STUB1: variants seen among roughly 807,000 people sequenced by gnomAD.
STUB1 encodes STIP1 homology and U-box containing protein 1.
Under a neutral mutation model 40.3 loss-of-function variants are expected in STUB1, and 37 were observed. The ratio of observed to expected loss-of-function variants is 0.92; its 90% CI spans 0.71 to 1.21. STUB1 has a LOEUF of 1.21. Among genes scored for constraint, STUB1 ranks in the 50% most tolerant of loss-of-function variants. The pLI is 0.00. For synonymous variants in STUB1, 246 were observed against 171.9 expected, an observed-to-expected ratio of 1.43 and a Z score of -3.37; for missense variants, 460 against 421.9, an observed-to-expected ratio of 1.09 and a Z score of -0.79.
At chr16:681,699 A>C in intron 3 of STUB1, 94 bp from the exon 4 acceptor site, 1 of 1,554,614 alleles carries the variant, frequency 6.4e-7, no homozygotes, top group Non-Finnish European at 8.7e-7. Flanking sequence ...GGCAAGCAGG[A>C]AATGTGGGGA....
rs147885296 is a variant in STUB1, at chr16:682,090, G to A, written c.669+14G>A. 135 of 1,581,012 alleles carry A rather than the reference G, an allele frequency of 8.5e-5. 1 individual carries two copies. The African/African-American group carries it at 1.4e-3, about 16-fold the overall frequency. ...GAGAAGAGGAAGGTGAGTGTGTGTC[G>A]CTTGCTGCCGATGGCTGGCAGGTGC... On this transcript the variant is annotated intron_variant, in intron 5 of 6. Coordinates refer to ENST00000219548, the MANE Select transcript of STUB1 (RefSeq NM_005861.4).
Position 681,352 on chromosome 16 carries a change from T to C in STUB1, c.358+2T>C, listed in dbSNP as rs762574295. ...AGGCCATCGCCAATCTGCAGCGAGG[T>C]TGGCTGACAAGCTGCCCGGTTGTGG... is the stretch of plus-strand genomic sequence containing the variant. On this transcript the variant is annotated splice_donor_variant, in intron 2 of 6. Coordinates refer to ENST00000219548, the MANE Select transcript of STUB1 (RefSeq NM_005861.4). LOFTEE classifies it high-confidence loss of function. 3 of 1,612,578 alleles carry C rather than the reference T, an allele frequency of 1.9e-6. No homozygotes were observed. The highest frequency in any genetic ancestry group is 2.2e-5 in the East Asian group (1 of 44,864).
chr16:680,806 A>G lies in STUB1; in HGVS notation c.159+122A>G. On this transcript the variant is annotated intron_variant, in intron 1 of 6. Coordinates refer to ENST00000219548, the MANE Select transcript of STUB1 (RefSeq NM_005861.4). This position sits in a 1 kb window ranked among gnomAD's most constrained non-coding sequence, Gnocchi z 4.9. Reference sequence around the variant, plus strand: ...GGCGTGTCCTCGGCTCCCAAAGCCCAGCCGTGGTTCTCGAGCCCAGCGCCG... The same window carrying G: ...GGCGTGTCCTCGGCTCCCAAAGCCCGGCCGTGGTTCTCGAGCCCAGCGCCG... 1 of 951,344 alleles carries G rather than the reference A, an allele frequency of 1.1e-6. No individual in the cohort carries two copies. Among genetic ancestry groups the G allele is most frequent in the Non-Finnish European group, 1.3e-6 (1 of 756,940 alleles). 58.9% of individuals were successfully genotyped at this position (951,344 alleles called of 1,614,324 possible). A position where few individuals can be genotyped will look rare whatever the true frequency, so the allele number is the denominator to read the frequency against.
rs368914684 is a variant in STUB1, at chr16:682,547, C to T, written c.*58C>T. On this transcript the variant is annotated 3_prime_UTR_variant, in exon 7 of 7. Transcript: ENST00000219548. ...GGGAGCCCTGGGCAGAAGCCCCCGG[C>T]CCCTATACATAGTTTATGTTCCTGG... 2 of 1,606,640 alleles carry T rather than the reference C, an allele frequency of 1.2e-6. No individual in the cohort carries two copies. Among genetic ancestry groups the T allele is most frequent in the Non-Finnish European group, 1.7e-6 (2 of 1,176,418 alleles).
Position 680,479 on chromosome 16 carries a change from G to T in STUB1, c.-47G>T, listed in dbSNP as rs976188395. 1.7e-6 allele frequency: 2 copies of T among 1,184,292 alleles called. No homozygotes were observed. The highest frequency in any genetic ancestry group is 3.2e-5 in the African/African-American group (2 of 62,244). 73.4% of individuals were successfully genotyped at this position (1,184,292 alleles called of 1,614,324 possible). ...GCTCCGGCTGCGGGCGCTGGGCCGC[G>T]AGGCGCGGAGCTTGGGAGCGGAGCC... On this transcript the variant is annotated 5_prime_UTR_variant, in exon 1 of 7. Coordinates refer to ENST00000219548, the MANE Select transcript of STUB1 (RefSeq NM_005861.4). The surrounding 1 kb of genome is among the most constrained non-coding windows in gnomAD (Gnocchi z 4.9).
Position 681,459 on chromosome 16 carries a change from A to T in STUB1, c.380A>T (p.Gln127Leu), listed in dbSNP as rs764284031. The T allele has an allele frequency of 6.2e-7, 1 of 1,612,584 alleles. No individual in the cohort carries two copies. The highest frequency in any genetic ancestry group is 1.1e-5 in the South Asian group (1 of 91,078). ...LQRAYSLAKE[Q>L]RLNFGDDIPS... Reference sequence around the variant, plus strand: ...CCAGCTTACAGCCTGGCCAAGGAGCAGCGGCTGAACTTCGGGGACGACATC... The same window carrying T: ...CCAGCTTACAGCCTGGCCAAGGAGCTGCGGCTGAACTTCGGGGACGACATC... Residue 127 changes from glutamine (Q) to leucine (L), a missense_variant, in exon 3 of 7, where the codon CAG becomes CTG. Physicochemically the swap from Gln to Leu is moderately radical, Grantham distance 113. Transcript: ENST00000219548.
Position 680,665 on chromosome 16 carries a change from C to A in STUB1, c.140C>A (p.Ala47Asp). Residue 47 changes from alanine (A) to aspartate (D), a missense_variant, in exon 1 of 7, where the codon GCC (alanine) becomes GAC (aspartate). Ala to Asp is a moderately radical substitution (Grantham distance 126). Coordinates refer to ENST00000219548, the MANE Select transcript of STUB1 (RefSeq NM_005861.4). This position sits in a 1 kb window ranked among gnomAD's most constrained non-coding sequence, Gnocchi z 4.9. ...GGCCGAAAGTACCCGGAGGCGGCGG[C>A]CTGCTACGGCCGCGCGATCGTGAGT... ...FVGRKYPEAA[A>D]CYGRAITRNP... The A allele has an allele frequency of 1.5e-6, 2 of 1,290,762 alleles. No homozygotes were observed. The highest frequency in any genetic ancestry group is 2.6e-5 in the South Asian group (1 of 39,186). 80.0% of individuals were successfully genotyped at this position (1,290,762 alleles called of 1,614,324 possible).
At position 682,257 on chromosome 16, in the gene STUB1, C is replaced by G. The variant is rs776493554; in HGVS notation, c.762C>G (p.Arg254=). The G allele has an allele frequency of 1.2e-6, 2 of 1,610,988 alleles. No homozygotes were observed. The highest frequency in any genetic ancestry group is 2.2e-5 in the South Asian group (2 of 90,934). Reference sequence around the variant, plus strand: ...CGCCCAGTGGCATCACCTACGACCGCAAGGACATCGAGGAGCACCTGCAGG... The same window carrying G: ...CGCCCAGTGGCATCACCTACGACCGGAAGGACATCGAGGAGCACCTGCAGG... ...CITPSGITYD[R]KDIEEHLQRV... is the part of the protein sequence containing the mutation. Residue 254 remains arginine, a synonymous_variant, in exon 6 of 7, where the codon CGC becomes CGG. Transcript: ENST00000219548.
In STUB1 at chr16:681,302, C is replaced by T; in HGVS notation, c.310C>T (p.Gln104Ter). 1 of 1,612,928 alleles carries T rather than the reference C, an allele frequency of 6.2e-7. No homozygotes were observed. The highest frequency in any genetic ancestry group is 8.5e-7 in the Non-Finnish European group (1 of 1,180,000). Reference sequence around the variant, plus strand: ...GGCGCACTTCTTCCTGGGGCAGTGCCAGCTGGAGATGGAGAGCTATGATGA... The same window carrying T: ...GGCGCACTTCTTCCTGGGGCAGTGCTAGCTGGAGATGGAGAGCTATGATGA... ...VKAHFFLGQC[Q>*]LEMESYDEAI... Residue 104 changes from glutamine to a stop codon, truncating the protein, a stop_gained, in exon 2 of 7, where the codon CAG becomes TAG. Transcript: ENST00000219548. LOFTEE classifies it high-confidence loss of function.
At position 681,540 on chromosome 16, in the gene STUB1, G is replaced by A. The variant is rs1430966965; in HGVS notation, c.461G>A (p.Arg154His). ...KKRWNSIEER[R>H]IHQESELHSY... ...CGCTGGAACAGCATTGAGGAGCGGC[G>A]CATCCACCAGGAGAGCGAGCTGCAC... Residue 154 changes from arginine (R) to histidine (H), a missense_variant, in exon 3 of 7, where the codon CGC becomes CAC. Physicochemically the swap from Arg to His is conservative, Grantham distance 29. Transcript: ENST00000219548. 6.2e-7 allele frequency: 1 copy of A among 1,611,960 alleles called. No homozygotes were observed.
At position 682,546 on chromosome 16, in the gene STUB1, G is replaced by A. The variant is rs1411350280; in HGVS notation, c.*57G>A. 6.2e-7 allele frequency: 1 copy of A among 1,607,122 alleles called. No individual in the cohort carries two copies. Among genetic ancestry groups the A allele is most frequent in the Non-Finnish European group, 8.5e-7 (1 of 1,176,778 alleles). On this transcript the variant is annotated 3_prime_UTR_variant, in exon 7 of 7. Coordinates refer to ENST00000219548, the MANE Select transcript of STUB1 (RefSeq NM_005861.4). ...GGGGAGCCCTGGGCAGAAGCCCCCGGCCCCTATACATAGTTTATGTTCCTG... is the reference window on the plus strand; with the variant it reads ...GGGGAGCCCTGGGCAGAAGCCCCCGACCCCTATACATAGTTTATGTTCCTG...
rs775388403 is a variant in STUB1 at position 681,628 on chromosome 16, C to T, written c.524+25C>T. 4.4e-6 allele frequency: 7 copies of T among 1,594,496 alleles called. No individual in the cohort carries two copies. In the South Asian group the frequency reaches 5.6e-5, roughly 13 times the overall value. On this transcript the variant is annotated intron_variant, in intron 3 of 6. Transcript: ENST00000219548. ...GGTGGGACCCTCACCCCAGGCCGCCCTGTCTTGGGATAATTCTGAATCACC... is the reference window on the plus strand; with the variant it reads ...GGTGGGACCCTCACCCCAGGCCGCCTTGTCTTGGGATAATTCTGAATCACC...
At position 682,544 on chromosome 16, in the gene STUB1, C is replaced by T. The variant is rs1047527761; in HGVS notation, c.*55C>T. The T allele has an allele frequency of 3.0e-5, 49 of 1,607,464 alleles. No individual in the cohort carries two copies. The highest frequency in any genetic ancestry group is 3.3e-4 in the Middle Eastern group (2 of 6,068). On this transcript the variant is annotated 3_prime_UTR_variant, in exon 7 of 7. Coordinates refer to ENST00000219548, the MANE Select transcript of STUB1 (RefSeq NM_005861.4). Reference sequence around the variant, plus strand: ...CAGGGGAGCCCTGGGCAGAAGCCCCCGGCCCCTATACATAGTTTATGTTCC... The same window carrying T: ...CAGGGGAGCCCTGGGCAGAAGCCCCTGGCCCCTATACATAGTTTATGTTCC...
chr16:682,118 G>A (rs774774810), intron 5 of STUB1, 42 bp downstream of exon 5: 36 of 1,586,876 alleles, frequency 2.3e-5, no homozygotes, highest in South Asian at 4.5e-5. Context: ...GCAGGTGCTC[G>A]TGCAGTGCCC....
In STUB1 at chr16:680,522, C is replaced by A; in HGVS notation, c.-4C>A. 1.6e-6 allele frequency: 2 copies of A among 1,257,114 alleles called. No homozygotes were observed. The highest frequency in any genetic ancestry group is 1.0e-6 in the Non-Finnish European group (1 of 993,818). The allele number at this position is 1,257,114 out of a possible 1,614,324, so 77.9% of individuals were successfully genotyped here. The stretch of plus-strand genomic sequence containing the variant: ...GCGGAGCCCAGGCCGTGCCGCGCGG[C>A]GCCATGAAGGGCAAGGAGGAGAAGG... On this transcript the variant is annotated 5_prime_UTR_variant, in exon 1 of 7. Coordinates refer to ENST00000219548, the MANE Select transcript of STUB1 (RefSeq NM_005861.4). This position sits in a 1 kb window ranked among gnomAD's most constrained non-coding sequence, Gnocchi z 4.9.
Position 680,624 on chromosome 16 carries a change from C to T in STUB1, c.99C>T (p.Gly33=), listed in dbSNP as rs1440888651. 6 of 1,391,854 alleles carry T rather than the reference C, an allele frequency of 4.3e-6. No homozygotes were observed. Among genetic ancestry groups the T allele is most frequent in the Non-Finnish European group, 5.6e-6 (6 of 1,062,186 alleles). The allele number at this position is 1,391,854 out of a possible 1,614,324, so 86.2% of individuals were successfully genotyped here. A position where few individuals can be genotyped will look rare whatever the true frequency, so the allele number is the denominator to read the frequency against. Reference sequence around the variant, plus strand: ...GCGCGCAGGAGCTCAAGGAGCAGGGCAATCGTCTGTTCGTGGGCCGAAAGT... The same window carrying T: ...GCGCGCAGGAGCTCAAGGAGCAGGGTAATCGTCTGTTCGTGGGCCGAAAGT... ...SPSAQELKEQ[G]NRLFVGRKYP... Residue 33 remains glycine (G), a synonymous_variant, in exon 1 of 7, where the codon GGC becomes GGT. Transcript: ENST00000219548. This position sits in a 1 kb window ranked among gnomAD's most constrained non-coding sequence, Gnocchi z 4.9.
At chr16:681,724 C>T (rs1408731828) in intron 3 of STUB1, 69 bp from the exon 4 acceptor site, 3 of 1,551,512 alleles carry the variant, frequency 1.9e-6, no homozygotes, top group Non-Finnish European at 2.6e-6. Context: ...TGGATGTTAG[C>T]TCTGAGATTG....
chr16:681,948 G>C, intron 4 of STUB1, 68 bp downstream of exon 4: 1 of 1,612,742 alleles, frequency 6.2e-7, no homozygotes, highest in Non-Finnish European at 8.5e-7. Flanking sequence ...TCCCCGCCTT[G>C]TGTTGGGTCT....
chr16:681,569 T>G lies in STUB1; in HGVS notation c.490T>G (p.Tyr164Asp), dbSNP rs762119331. The G allele has an allele frequency of 6.2e-7, 1 of 1,611,294 alleles. No individual in the cohort carries two copies. Among genetic ancestry groups the G allele is most frequent in the Non-Finnish European group, 8.5e-7 (1 of 1,179,746 alleles). The change falls in exon 3 of 7, where the codon TAC becomes GAC. Residue 164 changes from tyrosine to aspartate, a missense_variant. Transcript: ENST00000219548. ...CCACCAGGAGAGCGAGCTGCACTCCTACCTCTCCAGGCTCATTGCCGCGGA... is the reference window on the plus strand; with the variant it reads ...CCACCAGGAGAGCGAGCTGCACTCCGACCTCTCCAGGCTCATTGCCGCGGA... ...RIHQESELHS[Y>D]LSRLIAAERE...
Sources: gnomAD v4.1 joint callset for allele counts on GRCh38, gnomAD v4.1.1 for gene constraint, Gnocchi (gnomAD v3.1) non-coding constraint, MANE v1.5 for transcripts, NCBI Gene and HGNC (gene_info 2026-07-23, HGNC 2026-07-21) for gene names.